SCN2A: variants seen among roughly 807,000 people sequenced by gnomAD.
The protein encoded by SCN2A is sodium channel protein type 2 subunit alpha.
Under a neutral mutation model 188.7 loss-of-function variants are expected in SCN2A, and 20 were observed. The observed-to-expected ratio is 0.11, with a 90% confidence interval of 0.07 to 0.15. The LOEUF (loss-of-function observed/expected upper bound fraction) is 0.15, where lower values mean the gene tolerates loss of function less well. Ranked by LOEUF, SCN2A falls within the 10% of genes least tolerant of loss-of-function variation. The pLI is 1.00. For missense variants in SCN2A, 1,278 were observed against 2,445.0 expected (o/e 0.52, Z 10.07); for synonymous variants, 804 against 833.1 (o/e 0.97, Z 0.60).
At chr2:165,315,967 G>A (rs2105260734) in intron 11 of SCN2A, among the ~76,000 whole-genome samples, 1 of 152,220 alleles carries the variant, frequency 6.6e-6, no homozygotes, top group African/African-American at 2.4e-5. Context: ...GATCCCTCTG[G>A]GTTTGGAAAA....
chr2:165,254,462 T>C (rs1694232510), intron 1 of SCN2A, among the ~76,000 whole-genome samples: 1 of 151,770 alleles, frequency 6.6e-6, no homozygotes, highest in South Asian at 2.1e-4. Context: ...TTTTGAGTAA[T>C]TTTCCTATTT....
intron 3 of SCN2A, among the ~76,000 whole-genome samples, chr2:165,303,524 C>G (rs1349150031): frequency 6.6e-6 from 1 of 152,092 alleles, no homozygotes; most frequent in Non-Finnish European, 1.5e-5. Flanking sequence ...ATCCGCCCGC[C>G]TCGGCCTCCC....
intron 1 of SCN2A, among the ~76,000 whole-genome samples, chr2:165,254,830 A>T (rs1217014080): frequency 6.6e-6 from 1 of 151,720 alleles, no homozygotes; most frequent in African/African-American, 2.4e-5. Flanking sequence ...TATTAACTTT[A>T]TGATTTTATG....
rs202160438 is a variant in SCN2A, at chr2:165,374,720, T to C, written c.4008T>C (p.Ser1336=). 1.2e-6 allele frequency: 2 copies of C among 1,613,526 alleles called. No individual in the cohort carries two copies. The highest frequency in any genetic ancestry group is 2.2e-5 in the East Asian group (1 of 44,852). Residue 1336 remains serine (S), a synonymous_variant, in exon 22 of 27, where the codon TCT becomes TCC. Transcript: ENST00000375437. ...VVNALLGAIP[S]IMNVLLVCLI... ...ATGCTCTTTTAGGAGCCATTCCATC[T>C]ATCATGAATGTACTTCTGGTTTGTC...
At chr2:165,254,724 TTAA>T (rs1364400231) in intron 1 of SCN2A, among the ~76,000 whole-genome samples, 1 of 151,802 alleles carries the variant, frequency 6.6e-6, no homozygotes, top group East Asian at 1.9e-4. Flanking sequence ...TTTAACATAG[TTAA>T]TAATTTTGTT....
intron 3 of SCN2A, among the ~76,000 whole-genome samples, chr2:165,301,447 G>T (rs1696803631): frequency 6.6e-6 from 1 of 152,208 alleles, no homozygotes; most frequent in African/African-American, 2.4e-5. Flanking sequence ...GGAAAACATA[G>T]GTTTTGGTAT....
At chr2:165,356,178 G>C (rs1353231574) in intron 17 of SCN2A, among the ~76,000 whole-genome samples, 1 of 151,998 alleles carries the variant, frequency 6.6e-6, no homozygotes, top group Non-Finnish European at 1.5e-5. Context: ...AATATAGGAA[G>C]GTATAAATAA....
At chr2:165,388,571 C>T in intron 26 of SCN2A, 58 bp from the exon 27 acceptor site, 1 of 1,609,316 alleles carries the variant, frequency 6.2e-7, no homozygotes, top group African/African-American at 1.3e-5. Context: ...CTTATGTAAA[C>T]TTTCATTTGC....
At chr2:165,241,994 A>G (rs1163968711) in intron 1 of SCN2A, among the ~76,000 whole-genome samples, 1 of 152,028 alleles carries the variant, frequency 6.6e-6, no homozygotes, top group Admixed American at 6.6e-5. Context: ...AAGGTAAATA[A>G]CCCAATCTGT....
chr2:165,301,359 T>C (rs1326273808), intron 3 of SCN2A, among the ~76,000 whole-genome samples: 1 of 152,152 alleles, frequency 6.6e-6, no homozygotes, highest in African/African-American at 2.4e-5. Context: ...TGGACTAGGC[T>C]GCCAAAGAGC....
intron 1 of SCN2A, among the ~76,000 whole-genome samples, chr2:165,252,691 A>G (rs564779898): frequency 1.3e-5 from 2 of 152,148 alleles, no homozygotes; most frequent in African/African-American, 4.8e-5. Context: ...CAAGGTGGGG[A>G]AAGGGCAAGG....
Position 165,354,453 on chromosome 2 carries a change from A to G in SCN2A, c.3181A>G (p.Ile1061Val). The part of the protein sequence containing the change: ...SCISNHTTIE[I>V]GKDLNYLKDG... ...TATTTCCAACCATACCACCATAGAAATAGGCAAAGACCTCAATTATCTCAA... is the reference window on the plus strand; with the variant it reads ...TATTTCCAACCATACCACCATAGAAGTAGGCAAAGACCTCAATTATCTCAA... Residue 1061 changes from isoleucine to valine, a missense_variant, in exon 17 of 27, where the codon ATA becomes GTA. Ile to Val is a conservative substitution (Grantham distance 29). This residue lies in a region of SCN2A where 228 missense variants were observed against 297.3 expected (regional missense o/e 0.77). Coordinates refer to ENST00000375437, the MANE Select transcript of SCN2A (RefSeq NM_001040142.2). The G allele has an allele frequency of 6.2e-7, 1 of 1,614,162 alleles. No individual in the cohort carries two copies. Among genetic ancestry groups the G allele is most frequent in the Non-Finnish European group, 8.5e-7 (1 of 1,180,012 alleles).
intron 1 of SCN2A, among the ~76,000 whole-genome samples, chr2:165,281,089 C>T (rs1695565959): frequency 1.3e-5 from 2 of 152,074 alleles, no homozygotes; most frequent in African/African-American, 2.4e-5. Flanking sequence ...GGCAAGGTGG[C>T]ATGTGCCTCT....
intron 3 of SCN2A, among the ~76,000 whole-genome samples, chr2:165,306,151 T>C (rs1046213511): frequency 6.6e-6 from 1 of 152,134 alleles, no homozygotes; most frequent in Non-Finnish European, 1.5e-5. Flanking sequence ...TGCTGTCTCT[T>C]CTCTGTAAAG....
At chr2:165,366,358 A>G (rs751409649) in intron 18 of SCN2A, among the ~76,000 whole-genome samples, 3 of 152,334 alleles carry the variant, frequency 2.0e-5, no homozygotes, top group East Asian at 3.9e-4. Context: ...CCTTTGATCT[A>G]GCAATCCAGA....
At chr2:165,304,191 G>A (rs1696992014) in intron 3 of SCN2A, among the ~76,000 whole-genome samples, 2 of 152,104 alleles carry the variant, frequency 1.3e-5, no homozygotes, top group South Asian at 4.1e-4. Flanking sequence ...TCTGCCTCCT[G>A]GGTTCAAGTG....
At chr2:165,357,413 G>A (rs758905487) in intron 17 of SCN2A, among the ~76,000 whole-genome samples, 17 of 152,028 alleles carry the variant, frequency 1.1e-4, no homozygotes, top group Non-Finnish European at 2.2e-4. Flanking sequence ...AAAAAATGAG[G>A]CTTTTTTACT....
At position 165,244,098 on chromosome 2, in the gene SCN2A, C is replaced by T. The variant is rs1375632231; in HGVS notation, c.-52+4458C>T. ...CTCTAGTAAAAATACAAAAATTGGC[C>T]AGGTGTGGTGGCTGACGCCTGTAAT... is the stretch of plus-strand genomic sequence containing the variant. On this transcript the variant is annotated intron_variant, in intron 1 of 26. Transcript: ENST00000375437. Among the ~76,000 whole-genome samples the T allele has an allele frequency of 2.0e-5, 3 of 151,810 alleles. No homozygotes were observed. The South Asian group carries it at 6.3e-4, about 32-fold the overall frequency.
chr2:165,368,863 A>G (rs765722200), intron 19 of SCN2A, among the ~76,000 whole-genome samples: 1 of 152,086 alleles, frequency 6.6e-6, no homozygotes, highest in Admixed American at 6.5e-5. Context: ...TTGACTAAGA[A>G]TCCTGTGTCC....
Sources: allele counts gnomAD v4.1 joint callset (sites outside exome capture counted in the v4.1 genomes callset), GRCh38; gene constraint gnomAD v4.1.1; regional missense constraint gnomAD v4.1.1; transcripts MANE v1.5; gene names NCBI Gene and HGNC (gene_info 2026-07-23, HGNC 2026-07-21).